The following NRXN3 variants were observed in gnomAD, a reference collection of about 807,000 sequenced individuals.
The protein encoded by NRXN3 is neurexin 3.
Under a neutral mutation model 137.6 loss-of-function variants are expected in NRXN3, and 32 were observed. That is an observed-to-expected ratio of 0.23 (90% confidence interval 0.18 to 0.31). NRXN3 has a LOEUF of 0.31. NRXN3 is among the 10% of genes least tolerant of loss of function. NRXN3 has a pLI of 1.00. For synonymous variants in NRXN3, 798 were observed against 784.5 expected (o/e 1.02, Z -0.29); for missense variants, 1,574 against 2,062.5 (o/e 0.76, Z 4.59).
intron 15 of NRXN3, among the ~76,000 whole-genome samples, chr14:79,254,486 A>G (rs1295340062): frequency 1.3e-5 from 2 of 151,704 alleles, no homozygotes; most frequent in Non-Finnish European, 1.5e-5. Flanking sequence ...ACTCTGCTCC[A>G]TAGGCTCAAG....
chr14:79,730,088 T>A (rs1261747493), intron 19 of NRXN3, among the ~76,000 whole-genome samples: 2 of 152,102 alleles, frequency 1.3e-5, no homozygotes, highest in Non-Finnish European at 2.9e-5. Context: ...TTATACATGT[T>A]TTTAATGGAC....
intron 4 of NRXN3, among the ~76,000 whole-genome samples, chr14:78,581,535 G>A (rs2096996754): frequency 6.6e-6 from 1 of 152,156 alleles, no homozygotes; most frequent in South Asian, 2.1e-4. Flanking sequence ...TTATCACATT[G>A]GTGATTAAGT....
intron 10 of NRXN3, among the ~76,000 whole-genome samples, chr14:78,891,861 G>A (rs769461051): frequency 6.6e-6 from 1 of 151,918 alleles, no homozygotes; most frequent in East Asian, 1.9e-4. Context: ...CATACATGAA[G>A]CAATAGGCGC....
intron 6 of NRXN3, among the ~76,000 whole-genome samples, chr14:78,655,509 T>G (rs531516373): frequency 6.6e-6 from 1 of 152,318 alleles, no homozygotes; most frequent in South Asian, 2.1e-4. Context: ...TCATCCCACC[T>G]GCCCTCAATG....
chr14:79,150,156 A>C (rs546989661), intron 15 of NRXN3, among the ~76,000 whole-genome samples: 1 of 152,048 alleles, frequency 6.6e-6, no homozygotes, highest in African/African-American at 2.4e-5. Context: ...CACATCACAA[A>C]TTATGGGTTC....
At chr14:78,205,306 G>A (rs977550187) in intron 1 of NRXN3, among the ~76,000 whole-genome samples, 2 of 152,212 alleles carry the variant, frequency 1.3e-5, no homozygotes. Flanking sequence ...GGTCTGGGGG[G>A]GATTAAGTCA....
At chr14:78,307,182 C>G (rs1433151678) in intron 4 of NRXN3, among the ~76,000 whole-genome samples, 1 of 148,104 alleles carries the variant, frequency 6.8e-6, no homozygotes, top group Non-Finnish European at 1.5e-5. Context: ...AATGCATGCT[C>G]TTAAGCATAC....
chr14:79,713,579 A>G (rs1232349477), intron 19 of NRXN3, among the ~76,000 whole-genome samples: 3 of 125,888 alleles, frequency 2.4e-5, no homozygotes, highest in African/African-American at 5.4e-5. Context: ...GCTAGTTTAT[A>G]TATACATATA....
At chr14:79,238,012 C>T (rs978398154) in intron 15 of NRXN3, among the ~76,000 whole-genome samples, 2 of 151,954 alleles carry the variant, frequency 1.3e-5, no homozygotes, top group Non-Finnish European at 2.9e-5. Context: ...ATTTTTAAAT[C>T]CAAGCTTGAT....
At position 79,151,174 on chromosome 14, in the gene NRXN3, A is replaced by G. The variant is rs183425782; in HGVS notation, c.3262+163033A>G. 2.4e-4 allele frequency among the ~76,000 whole-genome samples: 36 copies of G among 152,154 alleles called. No homozygotes were observed. In the East Asian group the frequency reaches 6.8e-3, roughly 29 times the overall value. On this transcript the variant is annotated intron_variant, in intron 15 of 20. Coordinates refer to ENST00000335750, the MANE Select transcript of NRXN3 (RefSeq NM_001330195.2). ...GAAATTTGATTTATCCCCAGTAGAA[A>G]GTGCCAGGATATTAAGCCTCTATTA...
At chr14:78,366,349 A>G (rs1283433821) in intron 4 of NRXN3, among the ~76,000 whole-genome samples, 4 of 152,230 alleles carry the variant, frequency 2.6e-5, no homozygotes, top group African/African-American at 9.6e-5. Flanking sequence ...CCAGATGGTT[A>G]TCAGGTCATT....
At chr14:79,753,576 G>C (rs563326881) in intron 19 of NRXN3, among the ~76,000 whole-genome samples, 8 of 98,758 alleles carry the variant, frequency 8.1e-5, no homozygotes, top group East Asian at 3.7e-4. Context: ...GTTGTGGGGT[G>C]GGGGGAGGGG....
At chr14:78,467,548 T>C (rs576734971) in intron 4 of NRXN3, among the ~76,000 whole-genome samples, 1 of 152,360 alleles carries the variant, frequency 6.6e-6, no homozygotes, top group Non-Finnish European at 1.5e-5. Context: ...TTATGTTGAC[T>C]CAGTCTTTCC....
At chr14:79,693,319 C>T (rs1328678537) in intron 18 of NRXN3, among the ~76,000 whole-genome samples, 1 of 151,956 alleles carries the variant, frequency 6.6e-6, no homozygotes, top group Non-Finnish European at 1.5e-5. Flanking sequence ...GAGCAAAGGA[C>T]TACTACAGTT....
intron 4 of NRXN3, among the ~76,000 whole-genome samples, chr14:78,377,568 C>T (rs1025482524): frequency 1.1e-4 from 16 of 152,220 alleles, no homozygotes; most frequent in Non-Finnish European, 1.9e-4. Context: ...TAATGTCACA[C>T]ACAGAGTGGC....
intron 10 of NRXN3, among the ~76,000 whole-genome samples, chr14:78,896,500 G>A (rs1477209226): frequency 6.6e-6 from 1 of 151,782 alleles, no homozygotes; most frequent in African/African-American, 2.4e-5. Flanking sequence ...ATGATGCCTA[G>A]GGTTTCATGT....
chr14:78,866,330 A>G (rs1596656591), intron 10 of NRXN3, among the ~76,000 whole-genome samples: 1 of 152,210 alleles, frequency 6.6e-6, no homozygotes, highest in East Asian at 1.9e-4. Context: ...AGTGATGGCT[A>G]TAATCATTTG....
intron 4 of NRXN3, among the ~76,000 whole-genome samples, chr14:78,394,661 T>C (rs1381242845): frequency 2.0e-5 from 3 of 151,906 alleles, no homozygotes; most frequent in African/African-American, 7.2e-5. Context: ...TTTAAATGTT[T>C]GGTAGAATAT....
chr14:79,095,555 ACTAT>A (rs2050155328), intron 15 of NRXN3, among the ~76,000 whole-genome samples: 1 of 26,580 alleles, frequency 3.8e-5, no homozygotes, highest in Non-Finnish European at 1.8e-4. Context: ...CAGAGCACCT[ACTAT>A]TTTTTTTTTT....
Sources: gnomAD v4.1 joint callset for allele counts (sites outside exome capture counted in the v4.1 genomes callset) on GRCh38, gnomAD v4.1.1 for gene constraint, MANE v1.5 for transcripts, NCBI Gene and HGNC (gene_info 2026-07-23, HGNC 2026-07-21) for gene names.